The following CAMKMT variants were observed in gnomAD, a reference collection of about 807,000 sequenced individuals.
The protein encoded by CAMKMT is calmodulin-lysine N-methyltransferase, also known as CaM KMT.
Under a neutral mutation model 48.0 loss-of-function variants are expected in CAMKMT, and 53 were observed. The ratio of observed to expected loss-of-function variants is 1.10; its 90% confidence interval spans 0.89 to 1.39. The LOEUF is 1.39. Among genes scored for constraint, CAMKMT ranks in the 40% most tolerant of loss-of-function variants. The pLI is 0.00. For synonymous variants in CAMKMT, 165 were observed against 152.3 expected (o/e 1.08, Z -0.61); for missense variants, 428 against 402.7 (o/e 1.06, Z -0.54).
At chr2:44,745,072 G>T (rs1217079075) in intron 8 of CAMKMT, among the ~76,000 whole-genome samples, 1 of 152,096 alleles carries the variant, frequency 6.6e-6, no homozygotes, top group East Asian at 1.9e-4. Flanking sequence ...AATCCTCCAG[G>T]TTTCATTGCA....
rs1426062032 is a variant in CAMKMT at position 44,748,961 on chromosome 2, A to T, written c.699-5094A>T. 3.3e-5 allele frequency among the ~76,000 whole-genome samples: 5 copies of T among 152,190 alleles called. 1 individual carries two copies. Among genetic ancestry groups the T allele is most frequent in the Admixed American group, 3.3e-4 (5 of 15,284 alleles). On this transcript the variant is annotated intron_variant, in intron 8 of 10. Coordinates refer to ENST00000378494, the MANE Select transcript of CAMKMT (RefSeq NM_024766.5). The stretch of plus-strand genomic sequence containing the variant: ...TGGTTATTAATTACTGTTTAATATG[A>T]CTTAATGGCAAGTTTGTGTAGCACT...
intron 3 of CAMKMT, among the ~76,000 whole-genome samples, chr2:44,425,534 T>C (rs1402352074): frequency 6.6e-6 from 1 of 152,192 alleles, no homozygotes; most frequent in African/African-American, 2.4e-5. Flanking sequence ...TTTACATTCA[T>C]ATATTTATAA....
At chr2:44,723,645 TA>T (rs1678613618) in intron 7 of CAMKMT, 1 of 143,940 alleles carries the variant, frequency 6.9e-6, no homozygotes, top group Non-Finnish European at 1.5e-5. Flanking sequence ...AATAAATAAA[TA>T]AATAAATAAA....
rs959461970 is a variant in CAMKMT, at chr2:44,394,675, G to C, written c.376+4370G>C. ...ACTGCTGACCTCAGGTGATTTACCC[G>C]CCACAGCCTCCCAAAGTGCTGGGAT... On this transcript the variant is annotated intron_variant, in intron 3 of 10. Coordinates refer to ENST00000378494, the MANE Select transcript of CAMKMT (RefSeq NM_024766.5). Among the ~76,000 whole-genome samples, 4 of 152,176 alleles carry C rather than the reference G, an allele frequency of 2.6e-5. No individual in the cohort carries two copies. In the South Asian group the frequency reaches 6.2e-4, roughly 24 times the overall value.
At chr2:44,471,179 C>T (rs1237190419) in intron 3 of CAMKMT, among the ~76,000 whole-genome samples, 6 of 151,716 alleles carry the variant, frequency 4.0e-5, no homozygotes, top group South Asian at 2.1e-4. Flanking sequence ...TTAGTAGAGA[C>T]GGGGTTTCAC....
intron 3 of CAMKMT, among the ~76,000 whole-genome samples, chr2:44,437,838 C>CAAA (rs370663723): frequency 0.046 from 5,537 of 119,978 alleles, 458 homozygotes; most frequent in African/African-American, 0.15. Context: ...GACTCTGCTA[C>CAAA]AAAAAAAAAA....
intron 3 of CAMKMT, among the ~76,000 whole-genome samples, chr2:44,433,661 C>T (rs138871121): frequency 4.3e-4 from 65 of 152,188 alleles, no homozygotes; most frequent in Non-Finnish European, 7.9e-4. Flanking sequence ...TTATACTGAG[C>T]ATGATAATGT....
chr2:44,410,585 A>T (rs867089944), intron 3 of CAMKMT, among the ~76,000 whole-genome samples: 4 of 152,170 alleles, frequency 2.6e-5, no homozygotes, highest in Middle Eastern at 6.8e-3. Context: ...TTCCAAATCT[A>T]TTGAAAGCCC....
intron 2 of CAMKMT, among the ~76,000 whole-genome samples, chr2:44,375,422 A>G (rs1356319594): frequency 6.6e-6 from 1 of 151,778 alleles, no homozygotes; most frequent in Non-Finnish European, 1.5e-5. Flanking sequence ...ATGCTTAAGG[A>G]GCTGAAATAG....
chr2:44,551,525 A>G (rs1282221931), intron 3 of CAMKMT, among the ~76,000 whole-genome samples: 1 of 152,184 alleles, frequency 6.6e-6, no homozygotes, highest in African/African-American at 2.4e-5. Context: ...TATGATCTGT[A>G]TTTAACATTT....
chr2:44,408,313 C>T (rs375210090), intron 3 of CAMKMT, among the ~76,000 whole-genome samples: 17 of 151,910 alleles, frequency 1.1e-4, no homozygotes, highest in African/African-American at 3.9e-4. Flanking sequence ...CGTGAGCCAC[C>T]GCGCCTGGCC....
intron 3 of CAMKMT, among the ~76,000 whole-genome samples, chr2:44,634,476 A>G (rs892403302): frequency 2.2e-4 from 33 of 152,212 alleles, no homozygotes; most frequent in African/African-American, 7.7e-4. Context: ...GCTTTCAGTC[A>G]TCACTAGAAG....
At chr2:44,449,987 C>G (rs1438439692) in intron 3 of CAMKMT, among the ~76,000 whole-genome samples, 1 of 152,060 alleles carries the variant, frequency 6.6e-6, no homozygotes, top group Non-Finnish European at 1.5e-5. Flanking sequence ...CCATGATAAT[C>G]CAGAGATGCT....
chr2:44,381,715 A>ATAACAATTATTCAATTGTC (rs1680259418), intron 2 of CAMKMT, among the ~76,000 whole-genome samples: 1 of 152,224 alleles, frequency 6.6e-6, no homozygotes, highest in Non-Finnish European at 1.5e-5. Context: ...TTGGTGAATA[A>ATAACAATTATTCAATTGTC]CAAATTGCAA....
Position 44,648,304 on chromosome 2 carries a change from T to G in CAMKMT, c.377-55979T>G, listed in dbSNP as rs146583624. ...CAGAGTAGAAATTGAGGACTGGAGT[T>G]TGGTGGTGGGCAGACTTTCAAATTG... On this transcript the variant is annotated intron_variant, in intron 3 of 10. Coordinates refer to ENST00000378494, the MANE Select transcript of CAMKMT (RefSeq NM_024766.5). 4.9e-4 allele frequency among the ~76,000 whole-genome samples: 75 copies of G among 152,272 alleles called. No homozygotes were observed. The East Asian group carries it at 0.013, about 26-fold the overall frequency.
chr2:44,595,116 C>T (rs1200853078), intron 3 of CAMKMT, among the ~76,000 whole-genome samples: 1 of 152,106 alleles, frequency 6.6e-6, no homozygotes, highest in Admixed American at 6.5e-5. Context: ...CATCTCATGC[C>T]AGTTAGAATG....
intron 3 of CAMKMT, among the ~76,000 whole-genome samples, chr2:44,414,136 AG>A (rs1366207459): frequency 1.3e-5 from 2 of 152,226 alleles, no homozygotes; most frequent in African/African-American, 4.8e-5. Context: ...TAGAGTAGTT[AG>A]CCAGAGGTGA....
chr2:44,758,805 C>T (rs1015874605), intron 9 of CAMKMT, among the ~76,000 whole-genome samples: 5 of 152,198 alleles, frequency 3.3e-5, no homozygotes, highest in African/African-American at 1.2e-4. Context: ...ATAGGCGCAG[C>T]AGCCTGCAAG....
chr2:44,437,379 C>G lies in CAMKMT; in HGVS notation c.376+47074C>G, dbSNP rs558585106. On this transcript the variant is annotated intron_variant, in intron 3 of 10. Transcript: ENST00000378494. ...TTCAATCCCTTTGCTTAAAGAGGCC[C>G]CAAGCAGGGTTACTGGGGGGATAGT... Among the ~76,000 whole-genome samples the G allele has an allele frequency of 3.9e-5, 6 of 152,194 alleles. No individual in the cohort carries two copies. The East Asian group carries it at 9.6e-4, about 24-fold the overall frequency.
Sources: allele counts gnomAD v4.1 joint callset (sites outside exome capture counted in the v4.1 genomes callset), GRCh38; gene constraint gnomAD v4.1.1; transcripts MANE v1.5; gene names NCBI Gene and HGNC (gene_info 2026-07-23, HGNC 2026-07-21).